ERBB4: variants seen among roughly 807,000 people sequenced by gnomAD.
ERBB4 encodes receptor tyrosine-protein kinase erbB-4.
In ERBB4, 42 loss-of-function variants were observed where a neutral mutation model predicts 158.0. That is an observed-to-expected ratio of 0.27 (90% CI 0.21 to 0.34). ERBB4 has a LOEUF of 0.34. ERBB4 is among the 10% of genes least tolerant of loss of function. The pLI is 1.00. For missense variants in ERBB4, 1,333 were observed against 1,624.1 expected (o/e 0.82, Z 3.08); for synonymous variants, 583 against 558.7 (o/e 1.04, Z -0.61).
chr2:212,159,339 T>C (rs1049285961), intron 1 of ERBB4, among the ~76,000 whole-genome samples: 6 of 151,698 alleles, frequency 4.0e-5, no homozygotes, highest in Non-Finnish European at 5.9e-5. Context: ...GACTTTGTTA[T>C]CTTTCAAGTA....
At chr2:212,020,121 T>C (rs1273772634) in intron 2 of ERBB4, among the ~76,000 whole-genome samples, 1 of 152,128 alleles carries the variant, frequency 6.6e-6, no homozygotes, top group Non-Finnish European at 1.5e-5. Flanking sequence ...CATATGTATG[T>C]CTACAGAGAA....
chr2:212,286,608 T>TGTTTTGTTTTTTTTG lies in ERBB4; in HGVS notation c.83-161706_83-161705insCAAAAAAAACAAAAC, dbSNP rs1374258377. On this transcript the variant is annotated intron_variant, in intron 1 of 27. Transcript: ENST00000342788. ...ATAAGTGCTGACTTTTTTTTTTTTT[T>TGTTTTGTTTTTTTTG]TTTTTTTTTTTTGACACAGAGTCTC... 6.6e-5 allele frequency among the ~76,000 whole-genome samples: 8 copies of TGTTTTGTTTTTTTTG among 121,696 alleles called. 1 individual carries two copies. The highest frequency in any genetic ancestry group is 5.1e-4 in the Admixed American group (6 of 11,686). 79.8% of individuals were successfully genotyped at this position (121,696 alleles called of 152,430 possible). A position where few individuals can be genotyped will look rare whatever the true frequency, so the allele number is the denominator to read the frequency against.
chr2:212,442,209 T>C (rs753367365), intron 1 of ERBB4, among the ~76,000 whole-genome samples: 12 of 152,090 alleles, frequency 7.9e-5, no homozygotes, highest in Non-Finnish European at 1.8e-4. Context: ...CTACTTAATT[T>C]ATATAAGGAG....
intron 20 of ERBB4, among the ~76,000 whole-genome samples, chr2:211,452,484 C>G (rs1225181469): frequency 6.6e-6 from 1 of 152,118 alleles, no homozygotes; most frequent in Non-Finnish European, 1.5e-5. Context: ...CCAATAAACT[C>G]TATTTCTAAA....
intron 20 of ERBB4, 37 bp from the exon 21 acceptor site, chr2:211,431,137 A>T (rs2063740897): frequency 6.3e-7 from 1 of 1,598,442 alleles, no homozygotes; most frequent in South Asian, 1.1e-5. Context: ...TATTCAGTTA[A>T]TGCCCAGGTT....
intron 1 of ERBB4, among the ~76,000 whole-genome samples, chr2:212,327,973 C>G (rs1005082788): frequency 2.0e-5 from 3 of 148,752 alleles, no homozygotes; most frequent in East Asian, 2.0e-4. Flanking sequence ...CATCTAAATC[C>G]AAAACAGTTT....
intron 20 of ERBB4, among the ~76,000 whole-genome samples, chr2:211,433,554 C>T (rs977713425): frequency 3.4e-5 from 5 of 148,410 alleles, no homozygotes; most frequent in African/African-American, 1.3e-4. Context: ...GCACTCCAGC[C>T]TGGGCAACAG....
intron 23 of ERBB4, among the ~76,000 whole-genome samples, chr2:211,422,908 A>AGAT (rs1342290992): frequency 1.8e-4 from 27 of 152,028 alleles, no homozygotes; most frequent in African/African-American, 6.0e-4. Flanking sequence ...TTTCTTCCAT[A>AGAT]GATGTCTACC....
intron 14 of ERBB4, among the ~76,000 whole-genome samples, chr2:211,669,286 A>G (rs1378813608): frequency 1.3e-5 from 2 of 151,912 alleles, no homozygotes. Flanking sequence ...CATGAAAAAA[A>G]AAGAACTTAA....
intron 1 of ERBB4, among the ~76,000 whole-genome samples, chr2:212,532,176 C>G (rs993628051): frequency 1.3e-5 from 2 of 152,208 alleles, no homozygotes; most frequent in African/African-American, 4.8e-5. Flanking sequence ...GGAGCTGCCA[C>G]TAGTTTATAT....
In ERBB4 at chr2:211,679,170, C is replaced by A; in HGVS notation, c.1504G>T (p.Val502Leu). 6.2e-7 allele frequency: 1 copy of A among 1,613,802 alleles called. No individual in the cohort carries two copies. The highest frequency in any genetic ancestry group is 8.5e-7 in the Non-Finnish European group (1 of 1,179,834). ...KAENCTAEGM[V>L]CNHLCSSDGC... ...TCACTGGAACACAGATGGTTGCACACCATTCCTTCAGCAGCTGTGAAACAC... is the reference window on the plus strand; with the variant it reads ...TCACTGGAACACAGATGGTTGCACAACATTCCTTCAGCAGCTGTGAAACAC... Residue 502 changes from valine (V) to leucine (L), a missense_variant, in exon 13 of 28, where the codon GTG becomes TTG. Transcript: ENST00000342788.
chr2:212,262,472 T>A (rs1350427116), intron 1 of ERBB4, among the ~76,000 whole-genome samples: 1 of 152,060 alleles, frequency 6.6e-6, no homozygotes, highest in Non-Finnish European at 1.5e-5. Context: ...GAAAGAAAAA[T>A]CATGAAAAGA....
At chr2:212,358,405 G>C (rs1357178420) in intron 1 of ERBB4, among the ~76,000 whole-genome samples, 1 of 151,180 alleles carries the variant, frequency 6.6e-6, no homozygotes, top group African/African-American at 2.4e-5. Context: ...ATAAAACACA[G>C]ACAAGGAAGG....
intron 5 of ERBB4, among the ~76,000 whole-genome samples, chr2:211,735,101 C>T (rs945521631): frequency 1.3e-5 from 2 of 151,800 alleles, no homozygotes; most frequent in African/African-American, 4.8e-5. Flanking sequence ...AATACACACA[C>T]ATATACCAAA....
intron 14 of ERBB4, among the ~76,000 whole-genome samples, chr2:211,671,982 T>A (rs2071860971): frequency 6.6e-6 from 1 of 152,130 alleles, no homozygotes. Flanking sequence ...ACACTTTGGT[T>A]CTTCACACCA....
intron 11 of ERBB4, among the ~76,000 whole-genome samples, chr2:211,702,815 C>T (rs763780456): frequency 6.6e-6 from 1 of 152,084 alleles, no homozygotes; most frequent in Non-Finnish European, 1.5e-5. Flanking sequence ...TTTAGAATTG[C>T]TCACATCATG....
chr2:212,460,051 A>G (rs1487022802), intron 1 of ERBB4, among the ~76,000 whole-genome samples: 2 of 152,116 alleles, frequency 1.3e-5, no homozygotes, highest in Non-Finnish European at 2.9e-5. Context: ...TTCTCACAAG[A>G]TCTGATGGTT....
intron 1 of ERBB4, among the ~76,000 whole-genome samples, chr2:212,181,981 G>T (rs1416826909): frequency 6.6e-6 from 1 of 151,718 alleles, no homozygotes; most frequent in African/African-American, 2.4e-5. Flanking sequence ...TGTAAGATCA[G>T]AAATTATTTG....
At chr2:212,278,247 G>A (rs2085620185) in intron 1 of ERBB4, among the ~76,000 whole-genome samples, 1 of 151,702 alleles carries the variant, frequency 6.6e-6, no homozygotes, top group African/African-American at 2.4e-5. Flanking sequence ...TGTAGAAATT[G>A]CCATAATATA....
Sources: gnomAD v4.1 joint callset for allele counts (sites outside exome capture counted in the v4.1 genomes callset) on GRCh38, gnomAD v4.1.1 for gene constraint, MANE v1.5 for transcripts, NCBI Gene and HGNC (gene_info 2026-07-23, HGNC 2026-07-21) for gene names.